Variants in LIN28B observed in about 807,000 individuals in gnomAD.
LIN28B encodes lin-28 RNA binding posttranscriptional regulator B.
In LIN28B, 5 loss-of-function variants were observed where a neutral mutation model predicts 21.9. The observed-to-expected ratio is 0.23, with a 90% CI of 0.12 to 0.48. The LOEUF is 0.48. LIN28B is among the 20% of genes least tolerant of loss of function. LIN28B has a pLI of 0.98. For missense variants in LIN28B, 245 were observed against 310.5 expected, an observed-to-expected ratio of 0.79 and a Z score of 1.58; for synonymous variants, 109 against 111.3, an observed-to-expected ratio of 0.98 and a Z score of 0.13.
intron 3 of LIN28B, among the ~76,000 whole-genome samples, chr6:105,068,121 G>A (rs1772254776): frequency 6.6e-6 from 1 of 152,100 alleles, no homozygotes; most frequent in Non-Finnish European, 1.5e-5. Context: ...ATAGTTGATG[G>A]CATTAATCAG....
chr6:105,049,822 A>G (rs1771856528), intron 3 of LIN28B, among the ~76,000 whole-genome samples: 1 of 151,998 alleles, frequency 6.6e-6, no homozygotes, highest in South Asian at 2.1e-4. Context: ...CAGGATTGCA[A>G]CCCCTGCCTT....
intron 2 of LIN28B, among the ~76,000 whole-genome samples, chr6:105,016,727 A>G (rs1277980968): frequency 6.6e-6 from 1 of 152,084 alleles, no homozygotes; most frequent in Non-Finnish European, 1.5e-5. Context: ...AAAAATTATG[A>G]TCTTTCCTTT....
At chr6:105,006,461 G>A (rs866722069) in intron 2 of LIN28B, among the ~76,000 whole-genome samples, 1 of 151,992 alleles carries the variant, frequency 6.6e-6, no homozygotes, top group African/African-American at 2.4e-5. Context: ...ACAGGCACCC[G>A]CCACCACGCC....
chr6:105,002,632 G>T (rs1770741977), intron 2 of LIN28B, among the ~76,000 whole-genome samples: 1 of 152,190 alleles, frequency 6.6e-6, no homozygotes, highest in African/African-American at 2.4e-5. Context: ...ACATATCCAT[G>T]ATTGTGTAAA....
chr6:104,989,143 A>G (rs1157237012), intron 2 of LIN28B, among the ~76,000 whole-genome samples: 2 of 151,586 alleles, frequency 1.3e-5, no homozygotes, highest in Non-Finnish European at 2.9e-5. Flanking sequence ...TTTTTTCTGT[A>G]TTTTATTTCT....
chr6:105,051,269 T>G (rs1326912094), intron 3 of LIN28B, among the ~76,000 whole-genome samples: 1 of 151,210 alleles, frequency 6.6e-6, no homozygotes, highest in East Asian at 1.9e-4. Context: ...TGAAACCCTA[T>G]CTCTACTAAA....
chr6:104,963,687 C>T (rs1389829677), intron 2 of LIN28B, among the ~76,000 whole-genome samples: 1 of 152,138 alleles, frequency 6.6e-6, no homozygotes, highest in Non-Finnish European at 1.5e-5. Flanking sequence ...ATCAACATCC[C>T]CTACCAAGAG....
upstream of LIN28B, among the ~76,000 whole-genome samples, chr6:104,954,056 T>C (rs1246154647): frequency 1.3e-5 from 2 of 152,186 alleles, no homozygotes; most frequent in African/African-American, 2.4e-5. Flanking sequence ...TTCCTTGCTT[T>C]TTCCCCCCAG....
intron 3 of LIN28B, among the ~76,000 whole-genome samples, chr6:105,062,275 C>G (rs1246192689): frequency 6.6e-6 from 1 of 152,044 alleles, no homozygotes; most frequent in Non-Finnish European, 1.5e-5. Context: ...TCATCCCTCT[C>G]GCTCTCAGTA....
intron 2 of LIN28B, among the ~76,000 whole-genome samples, chr6:105,008,089 A>C (rs1262291832): frequency 6.6e-6 from 1 of 152,232 alleles, no homozygotes; most frequent in Non-Finnish European, 1.5e-5. Context: ...TAGTAACATC[A>C]CACCACCACA....
chr6:105,007,909 T>C (rs1770848761), intron 2 of LIN28B, among the ~76,000 whole-genome samples: 1 of 152,220 alleles, frequency 6.6e-6, no homozygotes, highest in Non-Finnish European at 1.5e-5. Context: ...CCTTGCAAAG[T>C]GTTGGTATTA....
chr6:105,070,327 G>T (rs1772307047), intron 3 of LIN28B, among the ~76,000 whole-genome samples: 1 of 152,110 alleles, frequency 6.6e-6, no homozygotes, highest in Non-Finnish European at 1.5e-5. Flanking sequence ...CAATAATAAT[G>T]AAGGTCAATT....
At chr6:105,003,318 G>A (rs1420969111) in intron 2 of LIN28B, among the ~76,000 whole-genome samples, 1 of 152,170 alleles carries the variant, frequency 6.6e-6, no homozygotes, top group Non-Finnish European at 1.5e-5. Context: ...GCTGATAAGT[G>A]TAATAAAGAA....
intron 3 of LIN28B, among the ~76,000 whole-genome samples, chr6:105,046,204 C>T (rs1374273097): frequency 6.6e-6 from 1 of 151,920 alleles, no homozygotes; most frequent in Non-Finnish European, 1.5e-5. Flanking sequence ...GTGTGATGTT[C>T]CCCTTCTTGT....
chr6:104,961,265 A>C (rs918240317), intron 2 of LIN28B, among the ~76,000 whole-genome samples: 2 of 152,236 alleles, frequency 1.3e-5, no homozygotes, highest in Non-Finnish European at 2.9e-5. Context: ...GTTTTTAAAA[A>C]ATGTTTAATA....
intron 3 of LIN28B, among the ~76,000 whole-genome samples, chr6:105,047,279 T>A (rs1419059423): frequency 6.6e-6 from 1 of 152,232 alleles, no homozygotes; most frequent in African/African-American, 2.4e-5. Flanking sequence ...TAGGGAATCC[T>A]TTCCCCATTT....
At chr6:104,938,836 T>C (rs1167937978) in intron 2 of LIN28B, among the ~76,000 whole-genome samples, 2 of 152,140 alleles carry the variant, frequency 1.3e-5, no homozygotes, top group African/African-American at 2.4e-5. Flanking sequence ...TAATGTCCCA[T>C]TTTTTATTTG....
chr6:105,073,713 C>A (rs939364056), intron 3 of LIN28B, among the ~76,000 whole-genome samples: 2 of 152,160 alleles, frequency 1.3e-5, no homozygotes, highest in African/African-American at 4.8e-5. Context: ...ACAAGCAAAT[C>A]TGGATCTTCC....
intron 2 of LIN28B, among the ~76,000 whole-genome samples, chr6:105,014,061 T>A (rs192467278): frequency 6.6e-6 from 1 of 152,208 alleles, no homozygotes; most frequent in Non-Finnish European, 1.5e-5. Context: ...TTTATGTTCC[T>A]ATTATTTTCT....
Sources: allele counts gnomAD v4.1 joint callset (sites outside exome capture counted in the v4.1 genomes callset), GRCh38; gene constraint gnomAD v4.1.1; transcripts MANE v1.5; gene names NCBI Gene and HGNC (gene_info 2026-07-23, HGNC 2026-07-21).